Variants in R3HDM1 observed in about 807,000 individuals in gnomAD.
The protein encoded by R3HDM1 is R3H domain-containing protein 1.
In R3HDM1, 46 loss-of-function variants were observed where a neutral mutation model predicts 141.1. The ratio of observed to expected loss-of-function variants is 0.33; its 90% confidence interval spans 0.26 to 0.42. The LOEUF (loss-of-function observed/expected upper bound fraction) is 0.42. Ranked by LOEUF, R3HDM1 falls within the 10% of genes least tolerant of loss-of-function variation. The pLI, the probability that R3HDM1 is intolerant of heterozygous loss-of-function variation, is 1.00. For synonymous variants in R3HDM1, 435 were observed against 472.9 expected (o/e 0.92, Z 1.04); for missense variants, 1,184 against 1,368.3 (o/e 0.87, Z 2.12).
intron 19 of R3HDM1, chr2:135,669,077 G>A (rs2067936036): frequency 3.3e-6 from 3 of 917,228 alleles, no homozygotes; most frequent in Non-Finnish European, 2.6e-6. Context: ...GAGTCTCACT[G>A]TTTTGCCTAG....
intron 1 of R3HDM1, among the ~76,000 whole-genome samples, chr2:135,594,590 G>T (rs963344477): frequency 5.3e-5 from 8 of 152,100 alleles, no homozygotes; most frequent in African/African-American, 1.9e-4. Context: ...AGCCATCCCG[G>T]CTCCCTCTCT....
intron 1 of R3HDM1, among the ~76,000 whole-genome samples, chr2:135,569,064 T>A (rs990041291): frequency 3.3e-5 from 5 of 152,220 alleles, no homozygotes; most frequent in African/African-American, 1.2e-4. Context: ...TGTGGCCTAT[T>A]TAAGTTTCAG....
chr2:135,550,985 T>G (rs73956742), intron 1 of R3HDM1, among the ~76,000 whole-genome samples: 14,201 of 152,288 alleles, frequency 0.093, 917 homozygotes, highest in South Asian at 0.31. Context: ...TTAGAAGACC[T>G]TCTGTCTTGA....
Position 135,636,085 on chromosome 2 carries a change from T to C in R3HDM1, c.808-3T>C, listed in dbSNP as rs750017426. 2.5e-6 allele frequency: 4 copies of C among 1,612,522 alleles called. No individual in the cohort carries two copies. The South Asian group carries it at 4.4e-5, about 18-fold the overall frequency. On this transcript the variant is annotated splice_region_variant and splice_polypyrimidine_tract_variant and intron_variant, in intron 10 of 26. Coordinates refer to ENST00000683871, the MANE Select transcript of R3HDM1 (RefSeq NM_001378107.1). Reference sequence around the variant, plus strand: ...TGCCTAAAAATTATCCTCTTTTCTGTAGATGAGAATACGTTTGAAAGATGA... The same window carrying C: ...TGCCTAAAAATTATCCTCTTTTCTGCAGATGAGAATACGTTTGAAAGATGA...
At chr2:135,700,016 A>C (rs994421952) in intron 21 of R3HDM1, among the ~76,000 whole-genome samples, 5 of 152,234 alleles carry the variant, frequency 3.3e-5, no homozygotes, top group African/African-American at 1.2e-4. Flanking sequence ...TTTTTCTATA[A>C]ATCAGTCGGG....
At chr2:135,694,638 GAAT>G (rs1219113933) in intron 21 of R3HDM1, among the ~76,000 whole-genome samples, 1 of 152,206 alleles carries the variant, frequency 6.6e-6, no homozygotes, top group Non-Finnish European at 1.5e-5. Context: ...AGTGCCACAA[GAAT>G]GTTTCCCAGA....
chr2:135,609,704 C>T (rs2060363871), intron 3 of R3HDM1, among the ~76,000 whole-genome samples: 1 of 152,018 alleles, frequency 6.6e-6, no homozygotes, highest in South Asian at 2.1e-4. Flanking sequence ...CGATGGGTTT[C>T]CATTGTTTGA....
At chr2:135,666,758 T>C (rs1026157126) in intron 19 of R3HDM1, among the ~76,000 whole-genome samples, 3 of 152,104 alleles carry the variant, frequency 2.0e-5, no homozygotes, top group African/African-American at 7.2e-5. Context: ...CAATTGCATC[T>C]CCTTCCAAAT....
Position 135,646,892 on chromosome 2 carries a change from A to AAAAAAG in R3HDM1, c.1623+1367_1623+1368insAAAGAA, listed in dbSNP as rs371608673. On this transcript the variant is annotated intron_variant, in intron 16 of 26. Transcript: ENST00000683871. ...AAGTGAGTATCCCTTAAAAAAAAAA[A>AAAAAAG]AAGAAGAAGTATGATGATAAACTTG... 5.5e-5 allele frequency among the ~76,000 whole-genome samples: 8 copies of AAAAAAG among 146,574 alleles called. No homozygotes were observed. The East Asian group carries it at 1.0e-3, about 19-fold the overall frequency.
intron 1 of R3HDM1, among the ~76,000 whole-genome samples, chr2:135,577,378 C>T (rs1574001762): frequency 7.7e-6 from 1 of 129,198 alleles, no homozygotes; most frequent in Admixed American, 8.8e-5. Flanking sequence ...GAAGCCATAT[C>T]CCTAATATAT....
chr2:135,546,552 T>C (rs1194347769), intron 1 of R3HDM1, among the ~76,000 whole-genome samples: 3 of 152,216 alleles, frequency 2.0e-5, no homozygotes, highest in African/African-American at 2.4e-5. Flanking sequence ...CTTCTTAGGC[T>C]TATCAGGTTG....
chr2:135,590,273 A>G (rs1708947633), intron 1 of R3HDM1, among the ~76,000 whole-genome samples: 1 of 152,196 alleles, frequency 6.6e-6, no homozygotes, highest in African/African-American at 2.4e-5. Flanking sequence ...GAAAATATAC[A>G]GTGACTGATT....
rs563217795 is a variant in R3HDM1 at position 135,693,717 on chromosome 2, G to T, written c.2459+13393G>T. ...GAAGAGAAAGAACTAAAGGAGAAAA[G>T]AATTCTTAGGCCAGGTGCAGTGACT... is the stretch of plus-strand genomic sequence containing the variant. On this transcript the variant is annotated intron_variant, in intron 21 of 26. Transcript: ENST00000683871. Among the ~76,000 whole-genome samples, 3 of 152,200 alleles carry T rather than the reference G, an allele frequency of 2.0e-5. No individual in the cohort carries two copies. In the South Asian group the frequency reaches 6.2e-4, roughly 31 times the overall value.
intron 21 of R3HDM1, among the ~76,000 whole-genome samples, chr2:135,692,079 A>G (rs1214110861): frequency 6.6e-6 from 1 of 151,942 alleles, no homozygotes; most frequent in Non-Finnish European, 1.5e-5. Flanking sequence ...CACCTGGCTA[A>G]TTTTTGTGTT....
chr2:135,565,894 C>G (rs992978116), intron 1 of R3HDM1: 1 of 152,314 alleles, frequency 6.6e-6, no homozygotes, highest in African/African-American at 2.4e-5. Context: ...GGGGAGCCTA[C>G]GCTATTTATT....
At chr2:135,598,445 A>G (rs1054737410) in intron 1 of R3HDM1, among the ~76,000 whole-genome samples, 11 of 152,226 alleles carry the variant, frequency 7.2e-5, no homozygotes, top group Admixed American at 1.3e-4. Context: ...AGGAGTTACC[A>G]TGTCATAATT....
At chr2:135,537,676 A>ATTTTATTTTATTTTATTTTATTTTTT (rs1559078657) in intron 1 of R3HDM1, among the ~76,000 whole-genome samples, 1 of 138,506 alleles carries the variant, frequency 7.2e-6, no homozygotes, top group African/African-American at 2.9e-5. Flanking sequence ...ATTTTATTTT[A>ATTTTATTTTATTTTATTTTATTTTTT]CTTAGAGTCT....
chr2:135,559,885 A>G (rs1701472096), intron 1 of R3HDM1, among the ~76,000 whole-genome samples: 1 of 152,258 alleles, frequency 6.6e-6, no homozygotes, highest in African/African-American at 2.4e-5. Context: ...AAATAAAAGG[A>G]AAAAGAGATA....
intron 7 of R3HDM1, among the ~76,000 whole-genome samples, chr2:135,627,883 G>T (rs180734816): frequency 1.2e-4 from 18 of 152,198 alleles, no homozygotes; most frequent in Admixed American, 9.8e-4. Flanking sequence ...TTTGCCACTG[G>T]TATAACATCG....
Sources: gnomAD v4.1 joint callset for allele counts (sites outside exome capture counted in the v4.1 genomes callset) on GRCh38, gnomAD v4.1.1 for gene constraint, MANE v1.5 for transcripts, NCBI Gene and HGNC (gene_info 2026-07-23, HGNC 2026-07-21) for gene names.